Variants in CNTN1 observed in about 807,000 individuals in gnomAD.
The protein encoded by CNTN1 is contactin 1, also known as contactin-1.
Under a neutral mutation model 126.4 loss-of-function variants are expected in CNTN1, and 38 were observed. That is an observed-to-expected ratio of 0.30 (90% CI 0.23 to 0.39). The LOEUF (loss-of-function observed/expected upper bound fraction) is 0.39, where lower values mean the gene tolerates loss of function less well. Among genes scored for constraint, CNTN1 ranks in the 10% least tolerant of loss-of-function variants. The probability of loss-of-function intolerance (pLI) is 1.00; values close to 1 mark genes in which losing one functional copy is unlikely to be tolerated. For synonymous variants in CNTN1, 413 were observed against 422.6 expected, an observed-to-expected ratio of 0.98 and a Z score of 0.28; for missense variants, 1,009 against 1,248.4, an observed-to-expected ratio of 0.81 and a Z score of 2.89.
At position 40,830,956 on chromosome 12, in the gene CNTN1, T is replaced by C. The variant is rs1241154373; in HGVS notation, c.-76-77401T>C. 4.0e-4 allele frequency among the ~76,000 whole-genome samples: 43 copies of C among 108,174 alleles called. 2 individuals carry two copies. Among genetic ancestry groups the C allele is most frequent in the African/African-American group, 9.2e-4 (29 of 31,666 alleles). 71.0% of individuals were successfully genotyped at this position (108,174 alleles called of 152,430 possible). A position where few individuals can be genotyped will look rare whatever the true frequency, so the allele number is the denominator to read the frequency against. The stretch of plus-strand genomic sequence containing the variant: ...ATATACATATATATATATATATATA[T>C]ATATATACACACACACACACACACT... On this transcript the variant is annotated intron_variant, in intron 1 of 23. Coordinates refer to ENST00000551295, the MANE Select transcript of CNTN1 (RefSeq NM_001843.4).
intron 1 of CNTN1, among the ~76,000 whole-genome samples, chr12:40,799,268 T>C (rs996072775): frequency 6.6e-6 from 1 of 151,340 alleles, no homozygotes; most frequent in African/African-American, 2.4e-5. Flanking sequence ...CTTGATACAA[T>C]CTATTATTGA....
chr12:40,979,891 T>C (rs1947774445), intron 15 of CNTN1, among the ~76,000 whole-genome samples: 1 of 152,160 alleles, frequency 6.6e-6, no homozygotes, highest in Non-Finnish European at 1.5e-5. Context: ...TTTTTAACAT[T>C]GTTTTTTGTT....
intron 1 of CNTN1, among the ~76,000 whole-genome samples, chr12:40,760,151 T>G (rs1938798784): frequency 1.3e-5 from 2 of 152,252 alleles, no homozygotes; most frequent in South Asian, 4.1e-4. Flanking sequence ...TTGTTTTGGT[T>G]TTTTGCTTTT....
intron 1 of CNTN1, among the ~76,000 whole-genome samples, chr12:40,731,082 C>A (rs1942488368): frequency 6.6e-6 from 1 of 151,628 alleles, no homozygotes; most frequent in South Asian, 2.1e-4. Flanking sequence ...AAAAAAGTCA[C>A]CAAAAACAAA....
chr12:40,978,090 C>T (rs1947729671), intron 15 of CNTN1, among the ~76,000 whole-genome samples: 1 of 152,042 alleles, frequency 6.6e-6, no homozygotes, highest in Non-Finnish European at 1.5e-5. Context: ...ACGTGAGTTA[C>T]CACACCTGGC....
chr12:40,864,566 AT>A (rs762511436), intron 1 of CNTN1, among the ~76,000 whole-genome samples: 3 of 152,148 alleles, frequency 2.0e-5, no homozygotes, highest in Non-Finnish European at 4.4e-5. Flanking sequence ...TGGACACTTC[AT>A]GTGAATGAAA....
At chr12:40,870,646 T>C (rs975721254) in intron 1 of CNTN1, among the ~76,000 whole-genome samples, 2 of 152,070 alleles carry the variant, frequency 1.3e-5, no homozygotes. Context: ...GATGCTATGG[T>C]AGGGAAAGGT....
chr12:40,830,750 AATCTCTCTATAT>A (rs1331247848), intron 1 of CNTN1, among the ~76,000 whole-genome samples: 6 of 137,628 alleles, frequency 4.4e-5, no homozygotes, highest in Non-Finnish European at 9.4e-5. Context: ...TTGAAGTAGA[AATCTCTCTATAT>A]ATATTGAGAG....
chr12:40,778,195 T>C (rs1244731716), intron 1 of CNTN1, among the ~76,000 whole-genome samples: 1 of 151,840 alleles, frequency 6.6e-6, no homozygotes, highest in Non-Finnish European at 1.5e-5. Context: ...TACCAAACTA[T>C]AAAAAAGTAT....
intron 15 of CNTN1, among the ~76,000 whole-genome samples, chr12:40,977,837 C>T (rs1255284222): frequency 6.6e-6 from 1 of 151,720 alleles, no homozygotes; most frequent in Non-Finnish European, 1.5e-5. Context: ...GAGTCTCACT[C>T]TGTCACCCAG....
intron 15 of CNTN1, chr12:40,978,872 G>GA (rs1947750899): frequency 2.6e-5 from 4 of 152,038 alleles, no homozygotes; most frequent in Admixed American, 2.6e-4. Context: ...CCTATGCTCA[G>GA]AAAAAGTAAC....
chr12:40,830,944 T>C (rs376423420), intron 1 of CNTN1, among the ~76,000 whole-genome samples: 9,034 of 115,914 alleles, frequency 0.078, 618 homozygotes, highest in Admixed American at 0.19. Context: ...TACATATATA[T>C]ATATATATAT....
At chr12:40,875,346 C>T (rs1943632659) in intron 1 of CNTN1, among the ~76,000 whole-genome samples, 3 of 152,180 alleles carry the variant, frequency 2.0e-5, no homozygotes, top group Admixed American at 2.0e-4. Flanking sequence ...AGATCCTGAA[C>T]ATTTCTGTCA....
At chr12:40,929,742 T>C in intron 6 of CNTN1, 54 bp from the exon 7 acceptor site, 1 of 1,322,172 alleles carries the variant, frequency 7.6e-7, no homozygotes, top group Non-Finnish European at 1.1e-6. Flanking sequence ...TATTAAATTA[T>C]GTAACAACTT....
At chr12:40,724,291 A>G (rs1415361699) in intron 1 of CNTN1, among the ~76,000 whole-genome samples, 1 of 152,176 alleles carries the variant, frequency 6.6e-6, no homozygotes, top group Admixed American at 6.5e-5. Flanking sequence ...TTCTGGGAAC[A>G]AAGAGAGGGC....
intron 1 of CNTN1, among the ~76,000 whole-genome samples, chr12:40,708,610 C>T (rs1406078128): frequency 1.3e-5 from 2 of 152,174 alleles, no homozygotes; most frequent in African/African-American, 4.8e-5. Context: ...GCATGCAATT[C>T]TGTTTTATAG....
At chr12:40,757,855 A>G (rs1250369462) in intron 1 of CNTN1, among the ~76,000 whole-genome samples, 1 of 152,154 alleles carries the variant, frequency 6.6e-6, no homozygotes, top group East Asian at 1.9e-4. Flanking sequence ...TGCTAAATAC[A>G]AAGTACTATA....
chr12:41,062,229 C>T (rs1043734361), intron 23 of CNTN1, among the ~76,000 whole-genome samples: 1 of 152,106 alleles, frequency 6.6e-6, no homozygotes, highest in Non-Finnish European at 1.5e-5. Flanking sequence ...TTAACGTTTT[C>T]CCCAAGAAAC....
chr12:40,896,230 A>C (rs1363723701), intron 1 of CNTN1: 1 of 152,190 alleles, frequency 6.6e-6, no homozygotes, highest in Non-Finnish European at 1.5e-5. Context: ...TGTATTTATT[A>C]ATCACACACT....
Sources: gnomAD v4.1 joint callset for allele counts (sites outside exome capture counted in the v4.1 genomes callset) on GRCh38, gnomAD v4.1.1 for gene constraint, MANE v1.5 for transcripts, NCBI Gene and HGNC (gene_info 2026-07-23, HGNC 2026-07-21) for gene names.